The following DOCK7 variants were observed in gnomAD, a reference collection of about 807,000 sequenced individuals.
The protein encoded by DOCK7 is dedicator of cytokinesis protein 7.
In DOCK7, 138 loss-of-function variants were observed where a neutral mutation model predicts 271.0. The observed-to-expected ratio is 0.51, with a 90% CI of 0.44 to 0.59. DOCK7 has a LOEUF of 0.59. Ranked by LOEUF, DOCK7 falls within the 20% of genes least tolerant of loss-of-function variation. DOCK7 has a pLI of 0.00. For synonymous variants in DOCK7, 823 were observed against 876.1 expected, an observed-to-expected ratio of 0.94 and a Z score of 1.07; for missense variants, 2,066 against 2,592.4, an observed-to-expected ratio of 0.80 and a Z score of 4.41.
chr1:62,483,766 G>C (rs542565420), intron 43 of DOCK7: 1 of 151,866 alleles, frequency 6.6e-6, no homozygotes, highest in Non-Finnish European at 1.5e-5. Flanking sequence ...TTTTGGTAGA[G>C]ACATGGGTTT....
At chr1:62,466,778 A>G (rs574292173) in intron 48 of DOCK7, among the ~76,000 whole-genome samples, 6 of 152,194 alleles carry the variant, frequency 3.9e-5, no homozygotes, top group African/African-American at 1.4e-4. Flanking sequence ...AAAATTAGCC[A>G]GGTGTGGTGG....
chr1:62,679,906 G>A (rs922167835), intron 1 of DOCK7, among the ~76,000 whole-genome samples: 1 of 152,136 alleles, frequency 6.6e-6, no homozygotes, highest in Admixed American at 6.5e-5. Flanking sequence ...ACAAATGGAA[G>A]AATATTCCAT....
At chr1:62,669,091 A>G (rs901349426) in intron 1 of DOCK7, among the ~76,000 whole-genome samples, 1 of 152,122 alleles carries the variant, frequency 6.6e-6, no homozygotes, top group South Asian at 2.1e-4. Flanking sequence ...TGAGTGTCTA[A>G]ATCTGTTTGG....
rs146910328 is a variant in DOCK7 at position 62,455,475 on chromosome 1, G to A, written c.6381-19C>T. ...GGAATCTCTGGGAAAAAAATGAGAGGACATAGTTAGTTAAAGAGAACAATT... is the reference window on the plus strand; with the variant it reads ...GGAATCTCTGGGAAAAAAATGAGAGAACATAGTTAGTTAAAGAGAACAATT... On this transcript the variant is annotated intron_variant, in intron 49 of 49. Coordinates refer to ENST00000635253, the MANE Select transcript of DOCK7 (RefSeq NM_001367561.1). 0.01 allele frequency: 16,619 copies of A among 1,611,920 alleles called. 145 individuals carry two copies. The highest frequency in any genetic ancestry group is 0.013 in the Non-Finnish European group (15,457 of 1,178,452).
intron 36 of DOCK7, 69 bp from the exon 37 acceptor site, chr1:62,504,851 C>T: frequency 6.5e-7 from 1 of 1,543,194 alleles, no homozygotes; most frequent in South Asian, 1.2e-5. Context: ...GTTAATATAA[C>T]CTGAACTGGA....
intron 48 of DOCK7, among the ~76,000 whole-genome samples, chr1:62,467,017 G>A (rs188010183): frequency 8.9e-4 from 136 of 152,092 alleles, no homozygotes; most frequent in African/African-American, 3.2e-3. Context: ...ATCAAGGGTC[G>A]TAAGGACCTA....
At chr1:62,500,550 A>G (rs947679559) in intron 37 of DOCK7, among the ~76,000 whole-genome samples, 2 of 152,194 alleles carry the variant, frequency 1.3e-5, no homozygotes, top group African/African-American at 4.8e-5. Context: ...AGTACACATC[A>G]TGTACCTGAG....
intron 14 of DOCK7, chr1:62,602,249 C>T: frequency 1.3e-6 from 2 of 1,509,992 alleles, no homozygotes; most frequent in Non-Finnish European, 1.8e-6. Context: ...CAACATAAAT[C>T]TACTAAAAAT....
At chr1:62,507,261 G>A (rs1646969539) in intron 35 of DOCK7, among the ~76,000 whole-genome samples, 1 of 152,122 alleles carries the variant, frequency 6.6e-6, no homozygotes, top group African/African-American at 2.4e-5. Flanking sequence ...GGAAGGAATA[G>A]GTGAGAGATA....
At chr1:62,667,340 A>G (rs1045729357) in intron 1 of DOCK7, among the ~76,000 whole-genome samples, 4 of 152,262 alleles carry the variant, frequency 2.6e-5, no homozygotes, top group African/African-American at 9.6e-5. Context: ...TATCTGAGAT[A>G]GAAGTCAGGG....
chr1:62,513,401 A>T, intron 33 of DOCK7, 43 bp downstream of exon 33: 5 of 1,540,758 alleles, frequency 3.2e-6, no homozygotes, highest in Non-Finnish European at 4.4e-6. Flanking sequence ...AGCAACAATG[A>T]TCATTACAAT....
intron 17 of DOCK7, 96 bp from the exon 18 acceptor site, chr1:62,577,459 T>TC: frequency 1.5e-6 from 1 of 669,218 alleles, no homozygotes; most frequent in Non-Finnish European, 2.3e-6. Context: ...GCCAAATTTG[T>TC]CCCATATCAT....
chr1:62,489,053 C>T lies in DOCK7; in HGVS notation c.5374G>A (p.Glu1792Lys). ...ACTTTGTAAACTTCATTAACTGCTT[C>T]ATACATGCCAGCCTATAAGAAAAAA... The part of the protein sequence containing the change: ...AASFSMAGMY[E>K]AVNEVYKVLI... Residue 1792 changes from glutamate (E) to lysine (K), a missense_variant, in exon 42 of 50, where the codon GAA becomes AAA. Transcript: ENST00000635253. The T allele has an allele frequency of 6.4e-7, 1 of 1,573,092 alleles. No homozygotes were observed. The highest frequency in any genetic ancestry group is 1.2e-5 in the South Asian group (1 of 85,202).
intron 21 of DOCK7, chr1:62,555,218 G>A (rs956549649): frequency 4.6e-5 from 7 of 152,124 alleles, no homozygotes; most frequent in African/African-American, 1.4e-4. Flanking sequence ...CACTGACCAC[G>A]AAGAGATCAG....
intron 47 of DOCK7, 118 bp from the exon 48 acceptor site, chr1:62,474,206 T>TA: frequency 1.5e-6 from 1 of 661,400 alleles, no homozygotes; most frequent in East Asian, 2.7e-5. Flanking sequence ...TTAATGCATA[T>TA]ATGCCTATGC....
chr1:62,478,284 T>C (rs1646022322), intron 43 of DOCK7: 1 of 152,484 alleles, frequency 6.6e-6, no homozygotes, highest in Admixed American at 6.5e-5. Context: ...CCTCTTCACG[T>C]ATTAAATGAG....
chr1:62,505,335 T>C lies in DOCK7; in HGVS notation c.4611+347A>G, dbSNP rs556202841. Among the ~76,000 whole-genome samples the C allele has an allele frequency of 1.1e-3, 170 of 152,320 alleles. 1 individual carries two copies. The highest frequency in any genetic ancestry group is 1.9e-3 in the Non-Finnish European group (129 of 68,022). ...GTTGAATTGCTTATATATTGAATTC[T>C]TTATAAATTGAGTTTTTTATAAAAA... On this transcript the variant is annotated intron_variant, in intron 36 of 49. Coordinates refer to ENST00000635253, the MANE Select transcript of DOCK7 (RefSeq NM_001367561.1).
In DOCK7 at chr1:62,598,621, T is replaced by A. The variant is rs1263407398; in HGVS notation, c.1683-11997A>T. 3.7e-6 allele frequency: 3 copies of A among 800,700 alleles called. No individual in the cohort carries two copies. In the South Asian group the frequency reaches 4.4e-5, roughly 12 times the overall value. 49.6% of individuals were successfully genotyped at this position (800,700 alleles called of 1,614,324 possible). ...CCATTATTAGTTTAAAAATTTAGAT[T>A]ATGATAGTGTTACAGGAAATTAATA... On this transcript the variant is annotated intron_variant, in intron 14 of 49. Coordinates refer to ENST00000635253, the MANE Select transcript of DOCK7 (RefSeq NM_001367561.1).
chr1:62,625,234 A>G (rs562420725), intron 12 of DOCK7, 25 bp downstream of exon 12: 2 of 1,608,830 alleles, frequency 1.2e-6, no homozygotes, highest in Admixed American at 3.4e-5. Context: ...CATCTCCCCA[A>G]AATTCCTACA....
Sources: gnomAD v4.1 joint callset for allele counts (sites outside exome capture counted in the v4.1 genomes callset) on GRCh38, gnomAD v4.1.1 for gene constraint, MANE v1.5 for transcripts, NCBI Gene and HGNC (gene_info 2026-07-23, HGNC 2026-07-21) for gene names.